The following TTC28 variants were observed in gnomAD, a reference collection of about 807,000 sequenced individuals.
TTC28 encodes the protein tetratricopeptide repeat domain 28.
A neutral mutation model predicts 198.0 loss-of-function variants in TTC28; 61 were observed. The ratio of observed to expected loss-of-function variants is 0.31; its 90% CI spans 0.25 to 0.38. TTC28 has a LOEUF of 0.38. Ranked by LOEUF, TTC28 falls within the 10% of genes least tolerant of loss-of-function variation. TTC28 has a pLI of 1.00. For missense variants in TTC28, 2,678 were observed against 3,164.0 expected (o/e 0.85, Z 3.69); for synonymous variants, 1,171 against 1,297.8 (o/e 0.90, Z 2.10).
chr22:28,076,654 G>A (rs540225731), intron 12 of TTC28, among the ~76,000 whole-genome samples: 3 of 152,154 alleles, frequency 2.0e-5, no homozygotes, highest in African/African-American at 4.8e-5. Flanking sequence ...ATAGCTCACT[G>A]CAGGCTCAAA....
Position 28,001,537 on chromosome 22 carries a change from C to G in TTC28, c.4235G>C (p.Ser1412Thr), listed in dbSNP as rs1185304068. ...APMEGGLMHS[S>T]GPVGRHRQLI... ...CTGCCGGTGCCGGCCCACGGGGCCG[C>G]TGGAGTGCATCAGGCCCTATGGAGC... The change falls in exon 15 of 23, where the codon AGC becomes ACC. Residue 1412 changes from serine to threonine, a missense_variant. Transcript: ENST00000397906. The G allele has an allele frequency of 1.3e-6, 2 of 1,550,990 alleles. No individual in the cohort carries two copies. The highest frequency in any genetic ancestry group is 2.4e-5 in the South Asian group (2 of 84,062).
intron 13 of TTC28, among the ~76,000 whole-genome samples, chr22:28,016,869 C>A (rs1435434851): frequency 6.6e-6 from 1 of 152,236 alleles, no homozygotes; most frequent in Admixed American, 6.5e-5. Flanking sequence ...TGACCCCTCC[C>A]TGAGGAGCAC....
chr22:28,356,446 T>C (rs2046078690), intron 2 of TTC28, among the ~76,000 whole-genome samples: 2 of 152,206 alleles, frequency 1.3e-5, no homozygotes, highest in South Asian at 4.1e-4. Flanking sequence ...ATTTGGCTAG[T>C]GCAAAATGAA....
At chr22:28,078,695 G>A (rs898809500) in intron 12 of TTC28, among the ~76,000 whole-genome samples, 2 of 152,106 alleles carry the variant, frequency 1.3e-5, no homozygotes, top group African/African-American at 4.8e-5. Context: ...GCAGAAGGGA[G>A]AAGCGCTTCA....
intron 2 of TTC28, among the ~76,000 whole-genome samples, chr22:28,364,928 A>G (rs2046222866): frequency 6.6e-6 from 1 of 152,250 alleles, no homozygotes; most frequent in Non-Finnish European, 1.5e-5. Flanking sequence ...CTTAGTTGAT[A>G]ATGAAGCAGC....
chr22:28,443,456 T>C (rs1410219564), intron 2 of TTC28, among the ~76,000 whole-genome samples: 1 of 152,236 alleles, frequency 6.6e-6, no homozygotes, highest in Non-Finnish European at 1.5e-5. Flanking sequence ...CAGAGCTTCT[T>C]TACGCTGTTT....
chr22:28,432,160 C>CCT (rs1422156696), intron 2 of TTC28, among the ~76,000 whole-genome samples: 1 of 151,496 alleles, frequency 6.6e-6, no homozygotes, highest in African/African-American at 2.4e-5. Flanking sequence ...GTGGCGGGTG[C>CCT]CTGTAGTCCC....
At chr22:28,202,839 C>T (rs1202148791) in intron 5 of TTC28, among the ~76,000 whole-genome samples, 1 of 152,024 alleles carries the variant, frequency 6.6e-6, no homozygotes, top group Non-Finnish European at 1.5e-5. Context: ...TACCCATAAC[C>T]CAGCTTTAAC....
At chr22:28,168,404 C>T (rs1425511946) in intron 5 of TTC28, among the ~76,000 whole-genome samples, 7 of 152,196 alleles carry the variant, frequency 4.6e-5, no homozygotes, top group Non-Finnish European at 8.8e-5. Flanking sequence ...AGGCATCACG[C>T]TACCTGACTT....
intron 2 of TTC28, among the ~76,000 whole-genome samples, chr22:28,538,328 T>C (rs1429371770): frequency 1.3e-5 from 2 of 152,120 alleles, no homozygotes; most frequent in East Asian, 3.9e-4. Context: ...ACTCAAGTGG[T>C]CCTACCATCT....
rs1234373492 is a variant in TTC28 at position 28,629,717 on chromosome 22, T to A, written c.216A>T (p.Gly72=). Residue 72 remains glycine, a synonymous_variant, in exon 2 of 23, where the codon GGA becomes GGT. Coordinates refer to ENST00000397906, the MANE Select transcript of TTC28 (RefSeq NM_001145418.2). ...VRQSNQACHD[G]DFHTAIVLYN... Reference sequence around the variant, plus strand: ...ACAGAACAATAGCTGTGTGGAAATCTCCATCATGACAGGCCTGATTACTCT... The same window carrying A: ...ACAGAACAATAGCTGTGTGGAAATCACCATCATGACAGGCCTGATTACTCT... The A allele has an allele frequency of 6.4e-7, 1 of 1,551,698 alleles. No individual in the cohort carries two copies. The highest frequency in any genetic ancestry group is 1.7e-4 in the Middle Eastern group (1 of 5,992).
At chr22:28,672,196 G>A (rs936339347) in intron 1 of TTC28, among the ~76,000 whole-genome samples, 2 of 151,860 alleles carry the variant, frequency 1.3e-5, no homozygotes, top group African/African-American at 4.8e-5. Flanking sequence ...GTTTTGTTTT[G>A]AGACGGAGTC....
At chr22:28,598,191 C>A (rs1051059526) in intron 2 of TTC28, among the ~76,000 whole-genome samples, 5 of 151,430 alleles carry the variant, frequency 3.3e-5, no homozygotes, top group African/African-American at 1.2e-4. Flanking sequence ...GGAAAAACTG[C>A]AATAACAAAT....
At chr22:28,456,657 C>G (rs186792822) in intron 2 of TTC28, among the ~76,000 whole-genome samples, 4 of 152,214 alleles carry the variant, frequency 2.6e-5, no homozygotes, top group Admixed American at 6.5e-5. Context: ...CTCACTGCAA[C>G]CTCCACCCCC....
chr22:28,274,563 T>C (rs557862734), intron 5 of TTC28, among the ~76,000 whole-genome samples: 1 of 152,304 alleles, frequency 6.6e-6, no homozygotes, highest in Admixed American at 6.5e-5. Flanking sequence ...TTTAAGACAT[T>C]TCTGTGGTGA....
chr22:28,082,982 C>T (rs1473325737), intron 12 of TTC28, among the ~76,000 whole-genome samples: 1 of 151,022 alleles, frequency 6.6e-6, no homozygotes, highest in Non-Finnish European at 1.5e-5. Context: ...GTAGGTCATT[C>T]AAAATGTATT....
Position 28,078,043 on chromosome 22 carries a change from C to T in TTC28, c.3932+16037G>A, listed in dbSNP as rs563025186. On this transcript the variant is annotated intron_variant, in intron 12 of 22. Transcript: ENST00000397906. ...TTCATAACATCTCCCTTATGGGAGG[C>T]TCATGTTCTATACAGTGGTTTCAAT... Among the ~76,000 whole-genome samples, 28 of 152,326 alleles carry T rather than the reference C, an allele frequency of 1.8e-4. 1 individual carries two copies. The South Asian group carries it at 5.6e-3, about 30-fold the overall frequency.
chr22:28,090,658 G>T (rs907146589), intron 12 of TTC28, among the ~76,000 whole-genome samples: 3 of 152,094 alleles, frequency 2.0e-5, no homozygotes, highest in African/African-American at 7.2e-5. Context: ...ATATCCCTAC[G>T]ATATGAGCCT....
intron 2 of TTC28, among the ~76,000 whole-genome samples, chr22:28,476,707 T>C (rs890037962): frequency 6.6e-6 from 1 of 152,188 alleles, no homozygotes; most frequent in Admixed American, 6.5e-5. Flanking sequence ...AATTTTGAAA[T>C]AGAGTTTGAC....
Sources: gnomAD v4.1 joint callset for allele counts (sites outside exome capture counted in the v4.1 genomes callset) on GRCh38, gnomAD v4.1.1 for gene constraint, MANE v1.5 for transcripts, NCBI Gene and HGNC (gene_info 2026-07-23, HGNC 2026-07-21) for gene names.